Variants in ANKFY1 observed in about 807,000 individuals in gnomAD.
ANKFY1 encodes ankyrin repeat and FYVE domain containing 1, also known as ankyrin repeat and FYVE domain-containing protein 1.
ANKFY1 carries 47 observed loss-of-function variants against 128.3 expected under a neutral mutation model. The ratio of observed to expected loss-of-function variants is 0.37; its 90% confidence interval spans 0.29 to 0.47. The LOEUF is 0.47. Ranked by LOEUF, ANKFY1 falls within the 20% of genes least tolerant of loss-of-function variation. The pLI is 1.00. For synonymous variants in ANKFY1, 553 were observed against 601.6 expected (o/e 0.92, Z 1.18); for missense variants, 1,222 against 1,510.6 (o/e 0.81, Z 3.17).
Position 4,206,489 on chromosome 17 carries a change from A to G in ANKFY1, c.733-3T>C, listed in dbSNP as rs373465777. On this transcript the variant is annotated splice_polypyrimidine_tract_variant and splice_region_variant and intron_variant, in intron 6 of 24. Coordinates refer to ENST00000341657, the MANE Select transcript of ANKFY1 (RefSeq NM_001330063.2). ...GCTTCATTCAGCTTCCCAGGGAGCT[A>G]CACAAACAAGTTTGTAAATTAGCGC... is the stretch of plus-strand genomic sequence containing the variant. The G allele has an allele frequency of 3.5e-4, 556 of 1,606,844 alleles. No homozygotes were observed. Among genetic ancestry groups the G allele is most frequent in the Non-Finnish European group, 4.7e-4 (546 of 1,173,940 alleles).
intron 1 of ANKFY1, among the ~76,000 whole-genome samples, chr17:4,257,367 G>A (rs186062639): frequency 0.014 from 2,045 of 144,484 alleles, 30 homozygotes; most frequent in Non-Finnish European, 0.024. Flanking sequence ...TCGCTACCGT[G>A]GCTGATTCCT....
chr17:4,235,771 C>T lies in ANKFY1; in HGVS notation c.322+1G>A. On this transcript the variant is annotated splice_donor_variant, in intron 3 of 24. Coordinates refer to ENST00000341657, the MANE Select transcript of ANKFY1 (RefSeq NM_001330063.2). LOFTEE classifies it high-confidence loss of function. Reference sequence around the variant, plus strand: ...GTGTCCCTGATCACTCAAAGGCTCACCTGACAGGTCCAACTCTTTAGTGGA... The same window carrying T: ...GTGTCCCTGATCACTCAAAGGCTCATCTGACAGGTCCAACTCTTTAGTGGA... 6.2e-7 allele frequency: 1 copy of T among 1,613,380 alleles called. No individual in the cohort carries two copies. The highest frequency in any genetic ancestry group is 8.5e-7 in the Non-Finnish European group (1 of 1,179,306).
At position 4,169,042 on chromosome 17, in the gene ANKFY1, A is replaced by G; in HGVS notation, c.3377+156T>C. 1 of 653,172 alleles carries G rather than the reference A, an allele frequency of 1.5e-6. No homozygotes were observed. Among genetic ancestry groups the G allele is most frequent in the South Asian group, 1.9e-5 (1 of 52,804 alleles). 40.5% of individuals were successfully genotyped at this position (653,172 alleles called of 1,614,324 possible). A position where few individuals can be genotyped will look rare whatever the true frequency, so the allele number is the denominator to read the frequency against. On this transcript the variant is annotated intron_variant, in intron 24 of 24. Coordinates refer to ENST00000341657, the MANE Select transcript of ANKFY1 (RefSeq NM_001330063.2). The surrounding 1 kb of genome is among the most constrained non-coding windows in gnomAD (Gnocchi z 5.0). ...CCCTACATCTCTGTTCCTCAGTAGG[A>G]TCCTTGGGTGTGCTCATCTCATCCC...
At chr17:4,263,547 C>T in intron 1 of ANKFY1, 1 of 1,474,532 alleles carries the variant, frequency 6.8e-7, no homozygotes, top group Non-Finnish European at 9.0e-7. Context: ...CTTCCGGATG[C>T]AGAACGTGCC....
chr17:4,236,221 T>C (rs1966896729), intron 2 of ANKFY1, among the ~76,000 whole-genome samples: 2 of 152,210 alleles, frequency 1.3e-5, no homozygotes, highest in Admixed American at 6.5e-5. Flanking sequence ...GAGGATATTT[T>C]ATATAGACTA....
intron 1 of ANKFY1, among the ~76,000 whole-genome samples, chr17:4,242,985 C>T (rs889228134): frequency 6.6e-6 from 1 of 152,212 alleles, no homozygotes; most frequent in East Asian, 1.9e-4. Context: ...ACAGTAACAA[C>T]AATTTCCTAA....
chr17:4,260,635 A>C (rs1482107833), intron 1 of ANKFY1, among the ~76,000 whole-genome samples: 3 of 151,732 alleles, frequency 2.0e-5, no homozygotes, highest in African/African-American at 7.2e-5. Flanking sequence ...AAAAAAAAAA[A>C]AAAAAAACCC....
chr17:4,223,214 A>G, intron 3 of ANKFY1: 1 of 783,190 alleles, frequency 1.3e-6, no homozygotes, highest in Non-Finnish European at 2.3e-6. Context: ...TCTTCTTCCT[A>G]TTACTCATGG....
intron 19 of ANKFY1, 31 bp downstream of exon 19, chr17:4,177,092 ATAT>A (rs772090003): frequency 6.6e-6 from 10 of 1,525,562 alleles, no homozygotes; most frequent in Non-Finnish European, 7.9e-6. Flanking sequence ...CTTTGACAAC[ATAT>A]TATTACATGC....
chr17:4,180,100 T>C, intron 16 of ANKFY1: 1 of 579,754 alleles, frequency 1.7e-6, no homozygotes, highest in Non-Finnish European at 3.0e-6. Context: ...ATCAGAATTG[T>C]TAGAAACTTC....
rs766866657 is a variant in ANKFY1 at position 4,182,273 on chromosome 17, G to A, written c.2029C>T (p.Arg677Ter). 2.5e-6 allele frequency: 4 copies of A among 1,595,362 alleles called. No homozygotes were observed. Among genetic ancestry groups the A allele is most frequent in the Admixed American group, 1.7e-5 (1 of 57,704 alleles). ...TCTGGCACAGACATGTCAGCTCCTC[G>A]GGTGCATATGGCATCAACTACGAGT... ...LPLVVDAICT[R>*]GADMSVPDEK... is the part of the protein sequence containing the mutation. Residue 677 changes from arginine to a stop codon, truncating the protein, a stop_gained, in exon 15 of 25, where the codon CGA becomes TGA. Transcript: ENST00000341657. LOFTEE classifies it high-confidence loss of function.
At chr17:4,231,684 G>A (rs1209968187) in intron 3 of ANKFY1, among the ~76,000 whole-genome samples, 2 of 151,476 alleles carry the variant, frequency 1.3e-5, no homozygotes, top group African/African-American at 4.9e-5. Flanking sequence ...CCTCACACCT[G>A]TAATCCCAAC....
intron 3 of ANKFY1, among the ~76,000 whole-genome samples, chr17:4,232,655 T>C (rs569108681): frequency 6.6e-6 from 1 of 152,284 alleles, no homozygotes; most frequent in East Asian, 1.9e-4. Context: ...ACATTAATAT[T>C]CTATTTTCCT....
chr17:4,223,215 T>C, intron 3 of ANKFY1: 2 of 783,474 alleles, frequency 2.6e-6, no homozygotes, highest in Non-Finnish European at 4.6e-6. Flanking sequence ...CTTCTTCCTA[T>C]TACTCATGGG....
At position 4,173,461 on chromosome 17, in the gene ANKFY1, C is replaced by T. The variant is rs781546686; in HGVS notation, c.2924-17G>A. ...GATGAAGAGCTGGGAAGTAAATCCT[C>T]TTACTATGCAAGCCCAGAAGCACAT... On this transcript the variant is annotated splice_polypyrimidine_tract_variant and intron_variant, in intron 20 of 24. Transcript: ENST00000341657. The T allele has an allele frequency of 3.1e-6, 5 of 1,612,032 alleles. No individual in the cohort carries two copies. The highest frequency in any genetic ancestry group is 3.4e-6 in the Non-Finnish European group (4 of 1,178,234).
rs1452535002 is a variant in ANKFY1, at chr17:4,181,408, G to A, written c.2122-36C>T. ...ACATAGGTTATTCACAAACACTGCT[G>A]AGCAAAGGCAAACAGTTTTATTACC... On this transcript the variant is annotated intron_variant, in intron 15 of 24. Transcript: ENST00000341657. This position sits in a 1 kb window ranked among gnomAD's most constrained non-coding sequence, Gnocchi z 4.9. 6.7e-7 allele frequency: 1 copy of A among 1,491,776 alleles called. No homozygotes were observed. The highest frequency in any genetic ancestry group is 9.4e-7 in the Non-Finnish European group (1 of 1,069,068). The allele number at this position is 1,491,776 out of a possible 1,614,324, so 92.4% of individuals were successfully genotyped here.
At chr17:4,251,862 C>T (rs749835928) in intron 1 of ANKFY1, among the ~76,000 whole-genome samples, 2 of 151,894 alleles carry the variant, frequency 1.3e-5, no homozygotes, top group South Asian at 2.1e-4. Flanking sequence ...TGGCAAAACC[C>T]CGTCTCTACA....
rs149174674 is a variant in ANKFY1 at position 4,263,547 on chromosome 17, C to G, written c.10+385G>C. Reference sequence around the variant, plus strand: ...GCGAGGGATGGACCCCTTCCGGATGCAGAACGTGCCAGGACAGCAGTTTCG... The same window carrying G: ...GCGAGGGATGGACCCCTTCCGGATGGAGAACGTGCCAGGACAGCAGTTTCG... On this transcript the variant is annotated intron_variant, in intron 1 of 24. Coordinates refer to ENST00000341657, the MANE Select transcript of ANKFY1 (RefSeq NM_001330063.2). 25 of 1,474,532 alleles carry G rather than the reference C, an allele frequency of 1.7e-5. No individual in the cohort carries two copies. In the East Asian group the frequency reaches 5.9e-4, roughly 35 times the overall value. The allele number at this position is 1,474,532 out of a possible 1,614,324, so 91.3% of individuals were successfully genotyped here. A position where few individuals can be genotyped will look rare whatever the true frequency, so the allele number is the denominator to read the frequency against.
At chr17:4,235,205 T>C (rs1205491871) in intron 3 of ANKFY1, among the ~76,000 whole-genome samples, 1 of 151,724 alleles carries the variant, frequency 6.6e-6, no homozygotes, top group Non-Finnish European at 1.5e-5. Flanking sequence ...TAGCTGGGTG[T>C]GGTGGTGGGT....
Sources: allele counts gnomAD v4.1 joint callset (sites outside exome capture counted in the v4.1 genomes callset), GRCh38; gene constraint gnomAD v4.1.1; non-coding constraint Gnocchi (gnomAD v3.1); transcripts MANE v1.5; gene names NCBI Gene and HGNC (gene_info 2026-07-23, HGNC 2026-07-21).